HMG20B: variants seen among roughly 807,000 people sequenced by gnomAD.
HMG20B encodes high mobility group 20B.
A neutral mutation model predicts 41.6 loss-of-function variants in HMG20B; 24 were observed. The observed-to-expected ratio is 0.58, with a 90% CI of 0.42 to 0.81. HMG20B has a LOEUF of 0.81. HMG20B is among the 30% of genes least tolerant of loss of function. The pLI, the probability that HMG20B is intolerant of heterozygous loss-of-function variation, is 0.00. For synonymous variants in HMG20B, 251 were observed against 186.6 expected (o/e 1.34, Z -2.81); for missense variants, 461 against 444.0 (o/e 1.04, Z -0.34).
chr19:3,578,501 C>T lies in HMG20B; in HGVS notation c.942-8C>T, dbSNP rs1283749621. ...GGCCTCATCCCGGGCCCTCCTCTCT[C>T]GTTTCAGCGAGCACCTGTGAGGAGT... On this transcript the variant is annotated splice_region_variant and splice_polypyrimidine_tract_variant and intron_variant, in intron 9 of 9. Coordinates refer to ENST00000333651, the MANE Select transcript of HMG20B (RefSeq NM_006339.3). 6.5e-7 allele frequency: 1 copy of T among 1,544,468 alleles called. No individual in the cohort carries two copies. Among genetic ancestry groups the T allele is most frequent in the Non-Finnish European group, 8.7e-7 (1 of 1,145,346 alleles).
At position 3,573,785 on chromosome 19, in the gene HMG20B, G is replaced by T; in HGVS notation, c.132G>T (p.Gly44=). 1 of 1,580,552 alleles carries T rather than the reference G, an allele frequency of 6.3e-7. No individual in the cohort carries two copies. Among genetic ancestry groups the T allele is most frequent in the Admixed American group, 1.9e-5 (1 of 52,536 alleles). ...RGEGPRAGEK[G]SHEEEPVKKR... is the part of the protein sequence containing the mutation. ...AGGGTCCACGCGCGGGCGAGAAGGG[G>T]TCCCACGAGGAGGAGGTGAGAGTCC... Residue 44 remains glycine (G), a synonymous_variant, in exon 3 of 10, where the codon GGG becomes GGT. Transcript: ENST00000333651.
intron 2 of HMG20B, 147 bp downstream of exon 2, chr19:3,573,494 C>A: frequency 1.0e-6 from 1 of 954,292 alleles, no homozygotes; most frequent in South Asian, 1.8e-5. Context: ...TTCTGCACCC[C>A]CCACCTCGGC....
intron 4 of HMG20B, among the ~76,000 whole-genome samples, 172 bp downstream of exon 4, chr19:3,574,758 GC>G (rs2032123207): frequency 7.4e-6 from 1 of 135,264 alleles, no homozygotes; most frequent in South Asian, 2.3e-4. Flanking sequence ...TTGCTCTGTT[GC>G]CCAGGCTGGA....
intron 5 of HMG20B, 159 bp from the exon 6 acceptor site, chr19:3,576,102 A>G (rs1182253837): frequency 1.5e-6 from 1 of 651,602 alleles, no homozygotes; most frequent in African/African-American, 1.8e-5. Flanking sequence ...ATAGCCAGAC[A>G]GGAGTGAAGG....
chr19:3,576,719 AT>A lies in HMG20B; in HGVS notation c.592+95del. 2.3e-6 allele frequency: 3 copies of A among 1,313,590 alleles called. No homozygotes were observed. In the South Asian group the frequency reaches 3.8e-5, roughly 17 times the overall value. The allele number at this position is 1,313,590 out of a possible 1,614,324, so 81.4% of individuals were successfully genotyped here. ...AGGGCCCCAAGACTGCAGGAGGCGG[AT>A]CGGGAGGTTCCCTATGAGCGTCCAG... On this transcript the variant is annotated intron_variant, in intron 7 of 9. Coordinates refer to ENST00000333651, the MANE Select transcript of HMG20B (RefSeq NM_006339.3).
intron 3 of HMG20B, chr19:3,574,018 T>C: frequency 1.5e-6 from 1 of 686,836 alleles, no homozygotes; most frequent in Non-Finnish European, 2.6e-6. Context: ...CTCTGCCCAC[T>C]CTAAGGTCCC....
At chr19:3,578,300 C>A in intron 9 of HMG20B, 187 bp downstream of exon 9, 3 of 1,117,684 alleles carry the variant, frequency 2.7e-6, no homozygotes, top group Non-Finnish European at 3.8e-6. Flanking sequence ...GAACCCCGGG[C>A]CGGCGGGACC....
intron 1 of HMG20B, 81 bp from the exon 2 acceptor site, chr19:3,573,211 T>A: frequency 8.4e-7 from 1 of 1,196,110 alleles, no homozygotes; most frequent in African/African-American, 1.6e-5. Flanking sequence ...CCCGGGGCTC[T>A]CCATCGCGGG....
intron 8 of HMG20B, among the ~76,000 whole-genome samples, 191 bp downstream of exon 8, chr19:3,577,298 G>A (rs897371167): frequency 6.1e-5 from 2 of 32,704 alleles, no homozygotes; most frequent in African/African-American, 1.1e-4. Context: ...CCCGACCCCC[G>A]CACCCCTACC....
chr19:3,574,648 C>T, intron 4 of HMG20B, 62 bp downstream of exon 4: 2 of 1,435,374 alleles, frequency 1.4e-6, no homozygotes, highest in Admixed American at 2.1e-5. Context: ...CCAGTAGCCC[C>T]GACCCCCAAA....
chr19:3,576,336 C>G (rs892309735), intron 6 of HMG20B, 29 bp downstream of exon 6: 6 of 1,608,746 alleles, frequency 3.7e-6, no homozygotes, highest in Non-Finnish European at 5.1e-6. Flanking sequence ...CTCAAAGCAC[C>G]TGGGGGAGAA....
At chr19:3,576,340 G>A (rs778831830) in intron 6 of HMG20B, 33 bp downstream of exon 6, 39 of 1,606,404 alleles carry the variant, frequency 2.4e-5, no homozygotes, top group Non-Finnish European at 3.3e-5. Flanking sequence ...AAGCACCTGG[G>A]GGAGAAAGGT....
intron 2 of HMG20B, 131 bp downstream of exon 2, chr19:3,573,478 A>C (rs1258042042): frequency 2.9e-6 from 3 of 1,044,198 alleles, no homozygotes; most frequent in Non-Finnish European, 2.6e-6. Flanking sequence ...TTCTCCCTCC[A>C]CCCAATTCTG....
At position 3,578,845 on chromosome 19, in the gene HMG20B, C is replaced by G. The variant is rs547614554; in HGVS notation, c.*324C>G. The G allele has an allele frequency of 1.1e-5, 7 of 637,262 alleles. No individual in the cohort carries two copies. Among genetic ancestry groups the G allele is most frequent in the Non-Finnish European group, 2.0e-5 (7 of 342,010 alleles). The allele number at this position is 637,262 out of a possible 1,614,324, so 39.5% of individuals were successfully genotyped here. ...GACACAGGGCAGACGAAACCCACCCCCAGCACACGGCAGGACCCCCCAAAT... is the reference window on the plus strand; with the variant it reads ...GACACAGGGCAGACGAAACCCACCCGCAGCACACGGCAGGACCCCCCAAAT... On this transcript the variant is annotated 3_prime_UTR_variant, in exon 10 of 10. Transcript: ENST00000333651.
In HMG20B at chr19:3,579,045, GGACTTTT is replaced by G. The variant is rs1568274434; in HGVS notation, c.*525_*531del. ...GTGGCTCCTTCTCACTGCTGGATCCGGACTTTTTAAATAAAAACAAGTAAAATTTGTG... is the reference window on the plus strand; with the variant it reads ...GTGGCTCCTTCTCACTGCTGGATCCGTAAATAAAAACAAGTAAAATTTGTG... On this transcript the variant is annotated 3_prime_UTR_variant, in exon 10 of 10. Transcript: ENST00000333651. The surrounding 1 kb of genome is among the most constrained non-coding windows in gnomAD (Gnocchi z 7.4). 8 of 337,580 alleles carry G rather than the reference GGACTTTT, an allele frequency of 2.4e-5. No homozygotes were observed. The highest frequency in any genetic ancestry group is 4.1e-5 in the Non-Finnish European group (7 of 170,120). 20.9% of individuals were successfully genotyped at this position (337,580 alleles called of 1,614,324 possible). A position where few individuals can be genotyped will look rare whatever the true frequency, so the allele number is the denominator to read the frequency against.
rs973066183 is a variant in HMG20B at position 3,577,615 on chromosome 19, CGT to C, written c.809-365_809-364del. 7.1e-3 allele frequency among the ~76,000 whole-genome samples: 933 copies of C among 131,934 alleles called. 20 individuals carry two copies. Among genetic ancestry groups the C allele is most frequent in the African/African-American group, 0.024 (836 of 34,204 alleles). The allele number at this position is 131,934 out of a possible 152,430, so 86.6% of individuals were successfully genotyped here. A position where few individuals can be genotyped will look rare whatever the true frequency, so the allele number is the denominator to read the frequency against. ...CATTCACCCCACCTCCCCACGCCCC[CGT>C]CACCCATCCCTCCCCACGCCCCGCT... is the stretch of plus-strand genomic sequence containing the variant. On this transcript the variant is annotated intron_variant, in intron 8 of 9. Coordinates refer to ENST00000333651, the MANE Select transcript of HMG20B (RefSeq NM_006339.3).
chr19:3,575,754 C>T, intron 5 of HMG20B, 94 bp downstream of exon 5: 1 of 1,076,228 alleles, frequency 9.3e-7, no homozygotes, highest in East Asian at 2.7e-5. Flanking sequence ...CCAGCCTGGC[C>T]AACATAGTGA....
rs566457110 is a variant in HMG20B, at chr19:3,573,102, C to CG, written c.-19+116dup. 7.6e-4 allele frequency: 386 copies of CG among 508,064 alleles called. 4 individuals are homozygous for CG. The highest frequency in any genetic ancestry group is 7.4e-3 in the South Asian group (273 of 36,782). The allele number at this position is 508,064 out of a possible 1,614,324, so 31.5% of individuals were successfully genotyped here. On this transcript the variant is annotated intron_variant, in intron 1 of 9. Coordinates refer to ENST00000333651, the MANE Select transcript of HMG20B (RefSeq NM_006339.3). The stretch of plus-strand genomic sequence containing the variant: ...CCGGGGGAAACCGGCCCAGGCCTCC[C>CG]GGGGGGGGCAATCGCCCAACAAAGG...
chr19:3,576,496 A>G, intron 6 of HMG20B, 57 bp from the exon 7 acceptor site: 1 of 1,515,418 alleles, frequency 6.6e-7, no homozygotes, highest in East Asian at 2.3e-5. Flanking sequence ...GGGCACACCC[A>G]GAGAGCGTGG....
Sources: allele counts gnomAD v4.1 joint callset (sites outside exome capture counted in the v4.1 genomes callset), GRCh38; gene constraint gnomAD v4.1.1; non-coding constraint Gnocchi (gnomAD v3.1); transcripts MANE v1.5; gene names NCBI Gene and HGNC (gene_info 2026-07-23, HGNC 2026-07-21).